Variants in GSAP observed in about 807,000 individuals in gnomAD.
The protein encoded by GSAP is gamma-secretase-activating protein.
In GSAP, 118 loss-of-function variants were observed where a neutral mutation model predicts 131.7. That is an observed-to-expected ratio of 0.90 (90% CI 0.77 to 1.04). The LOEUF (loss-of-function observed/expected upper bound fraction) is 1.04, where lower values mean the gene tolerates loss of function less well. Ranked by LOEUF, GSAP falls within the 50% of genes least tolerant of loss-of-function variation. The probability of loss-of-function intolerance (pLI) is 0.00; values close to 1 mark genes in which losing one functional copy is unlikely to be tolerated. For synonymous variants in GSAP, 381 were observed against 363.4 expected (o/e 1.05, Z -0.55); for missense variants, 1,019 against 1,013.2 (o/e 1.01, Z -0.08).
At chr7:77,319,934 G>A (rs1787400989) in intron 26 of GSAP, among the ~76,000 whole-genome samples, 2 of 152,292 alleles carry the variant, frequency 1.3e-5, no homozygotes, top group South Asian at 2.1e-4. Flanking sequence ...TATGAAAGAT[G>A]AGTAAGTTCT....
chr7:77,402,496 G>A (rs544936668), intron 3 of GSAP, among the ~76,000 whole-genome samples: 134 of 147,352 alleles, frequency 9.1e-4, no homozygotes, highest in African/African-American at 3.1e-3. Context: ...TTGGGACGCT[G>A]AGGCAGGAGA....
At chr7:77,381,410 A>AT in intron 7 of GSAP, 56 bp from the exon 8 acceptor site, 1 of 866,362 alleles carries the variant, frequency 1.2e-6, no homozygotes, top group Non-Finnish European at 1.8e-6. Flanking sequence ...TATGAGTACT[A>AT]TTTTTGCCTA....
At chr7:77,347,135 C>T (rs569819726) in intron 19 of GSAP, among the ~76,000 whole-genome samples, 5 of 152,234 alleles carry the variant, frequency 3.3e-5, no homozygotes, top group East Asian at 3.9e-4. Context: ...GGAAGCTCCA[C>T]GTCCCTTCCC....
At chr7:77,412,312 A>G (rs1293198035) in intron 1 of GSAP, among the ~76,000 whole-genome samples, 1 of 152,222 alleles carries the variant, frequency 6.6e-6, no homozygotes, top group Non-Finnish European at 1.5e-5. Flanking sequence ...TGAAACAATT[A>G]GCTATTAATT....
chr7:77,323,907 T>TAA, intron 23 of GSAP, among the ~76,000 whole-genome samples, 165 bp from the exon 24 acceptor site: 1 of 152,296 alleles, frequency 6.6e-6, no homozygotes, highest in Admixed American at 6.5e-5. Flanking sequence ...CTGGTGAGCA[T>TAA]AAATAAGGGG....
At chr7:77,334,523 C>T (rs150919891) in intron 19 of GSAP, among the ~76,000 whole-genome samples, 1,798 of 138,272 alleles carry the variant, frequency 0.013, 36 homozygotes, top group African/African-American at 0.046. Flanking sequence ...CCATGGCATG[C>T]GTTTACCTAT....
intron 26 of GSAP, among the ~76,000 whole-genome samples, chr7:77,319,398 G>T (rs1213605552): frequency 6.6e-6 from 1 of 152,142 alleles, no homozygotes; most frequent in Admixed American, 6.5e-5. Flanking sequence ...CACAATTTAA[G>T]TGTTATCAAG....
upstream of GSAP, chr7:77,416,351 G>T: frequency 7.3e-7 from 1 of 1,366,442 alleles, no homozygotes. Context: ...GGCGGCTCTG[G>T]GGCCCCGCAC....
At chr7:77,313,376 A>G (rs1584189312) in intron 28 of GSAP, 112 bp downstream of exon 28, 1 of 633,890 alleles carries the variant, frequency 1.6e-6, no homozygotes, top group East Asian at 2.8e-5. Context: ...TGAAAAGTGA[A>G]ACAATTCAAT....
chr7:77,399,969 A>C (rs1801047759), intron 3 of GSAP, among the ~76,000 whole-genome samples: 1 of 152,122 alleles, frequency 6.6e-6, no homozygotes, highest in African/African-American at 2.4e-5. Context: ...GACAAAAACA[A>C]ACACACACCC....
intron 18 of GSAP, chr7:77,351,463 T>C: frequency 1.0e-6 from 1 of 974,564 alleles, no homozygotes; most frequent in South Asian, 4.7e-5. Flanking sequence ...GAAAAATAAA[T>C]GATTTGCATC....
At chr7:77,404,751 G>A in intron 2 of GSAP, 136 bp from the exon 3 acceptor site, 1 of 634,644 alleles carries the variant, frequency 1.6e-6, no homozygotes, top group Non-Finnish European at 2.8e-6. Context: ...CCTGTCAGAG[G>A]GGGACTGAAT....
intron 1 of GSAP, 93 bp downstream of exon 1, chr7:77,416,120 G>A (rs1043316807): frequency 8.8e-6 from 6 of 680,240 alleles, no homozygotes; most frequent in Non-Finnish European, 9.0e-6. Context: ...GGGCGGCGAC[G>A]CCCCGGGTTG....
intron 26 of GSAP, among the ~76,000 whole-genome samples, chr7:77,318,857 G>C (rs1259010837): frequency 6.8e-6 from 1 of 146,348 alleles, no homozygotes; most frequent in African/African-American, 2.5e-5. Flanking sequence ...ATATGTAAGA[G>C]GGACTACACC....
intron 24 of GSAP, among the ~76,000 whole-genome samples, chr7:77,322,588 T>TG (rs1382131893): frequency 7.5e-6 from 1 of 133,294 alleles, no homozygotes. Context: ...GTGAGTTTTT[T>TG]TTTTTTTTTT....
intron 12 of GSAP, among the ~76,000 whole-genome samples, chr7:77,363,618 C>T (rs1794846169): frequency 6.6e-6 from 1 of 152,032 alleles, no homozygotes; most frequent in Non-Finnish European, 1.5e-5. Flanking sequence ...GTCAGTTTCC[C>T]CTAAGAGGGC....
At chr7:77,414,844 C>CTTGTTTTTTTTTT (rs1803996427) in intron 1 of GSAP, among the ~76,000 whole-genome samples, 1 of 59,858 alleles carries the variant, frequency 1.7e-5, no homozygotes, top group East Asian at 6.9e-4. Flanking sequence ...ATGTGGGCGA[C>CTTGTTTTTTTTTT]TTTTTTTTTT....
rs774046948 is a variant in GSAP, at chr7:77,360,825, A to G, written c.1026T>C (p.Leu342=). ...HMTKGITFLN[L]DYYVAVYLPG... is the part of the protein sequence containing the mutation. ...GGGTGTGATCTCTCCATCACTCACC[A>G]AGGTTGAGAAAAGTAATGCCCTTTG... Residue 342 remains leucine (L), a splice_region_variant and synonymous_variant, in exon 14 of 31, where the codon CTT becomes CTC. Coordinates refer to ENST00000257626, the MANE Select transcript of GSAP (RefSeq NM_017439.4). 34 of 1,544,732 alleles carry G rather than the reference A, an allele frequency of 2.2e-5. No homozygotes were observed. Among genetic ancestry groups the G allele is most frequent in the Non-Finnish European group, 3.0e-5 (33 of 1,117,662 alleles).
chr7:77,374,201 C>T lies in GSAP; in HGVS notation c.786-46G>A, dbSNP rs1245347639. The T allele has an allele frequency of 9.7e-6, 9 of 928,350 alleles. No individual in the cohort carries two copies. In the South Asian group the frequency reaches 1.1e-4, roughly 12 times the overall value. 57.5% of individuals were successfully genotyped at this position (928,350 alleles called of 1,614,324 possible). On this transcript the variant is annotated intron_variant, in intron 11 of 30. Coordinates refer to ENST00000257626, the MANE Select transcript of GSAP (RefSeq NM_017439.4). ...AAATTATTGAATGCATTTAAAAATA[C>T]ATCCCTTCATAAAGGATGTGAGTAA...
Sources: allele counts gnomAD v4.1 joint callset (sites outside exome capture counted in the v4.1 genomes callset), GRCh38; gene constraint gnomAD v4.1.1; transcripts MANE v1.5; gene names NCBI Gene and HGNC (gene_info 2026-07-23, HGNC 2026-07-21).